The following TLN2 variants were observed in gnomAD, a reference collection of about 807,000 sequenced individuals.
TLN2 encodes the protein talin-2.
Under a neutral mutation model 294.7 loss-of-function variants are expected in TLN2, and 118 were observed. That is an observed-to-expected ratio of 0.40 (90% CI 0.34 to 0.47). TLN2 has a LOEUF of 0.47. Ranked by LOEUF, TLN2 falls within the 20% of genes least tolerant of loss-of-function variation. The pLI is 0.84. For missense variants in TLN2, 3,083 were observed against 3,282.2 expected (o/e 0.94, Z 1.48); for synonymous variants, 1,431 against 1,304.5 (o/e 1.10, Z -2.09).
rs772448730 is a variant in TLN2, at chr15:62,662,822, G to GT, written c.788+4942dup. 3.5e-3 allele frequency among the ~76,000 whole-genome samples: 376 copies of GT among 108,218 alleles called. 20 individuals carry two copies. The highest frequency in any genetic ancestry group is 0.012 in the African/African-American group (352 of 29,230). The allele number at this position is 108,218 out of a possible 152,430, so 71.0% of individuals were successfully genotyped here. ...TTGGTGTATTTTAGGGATTGAGAGAGTTTTTTTTTTTTTTTTTTGGAGACA... is the reference window on the plus strand; with the variant it reads ...TTGGTGTATTTTAGGGATTGAGAGAGTTTTTTTTTTTTTTTTTTTGGAGACA... On this transcript the variant is annotated intron_variant, in intron 9 of 58. Coordinates refer to ENST00000636159, the MANE Select transcript of TLN2 (RefSeq NM_015059.3).
At chr15:62,563,261 TG>T (rs2043129607) in intron 1 of TLN2, among the ~76,000 whole-genome samples, 1 of 152,174 alleles carries the variant, frequency 6.6e-6, no homozygotes, top group Non-Finnish European at 1.5e-5. Flanking sequence ...ACATCTATTA[TG>T]TTTTTTATTT....
chr15:62,629,606 C>A (rs530862394), intron 3 of TLN2, among the ~76,000 whole-genome samples: 1 of 152,240 alleles, frequency 6.6e-6, no homozygotes, highest in East Asian at 1.9e-4. Context: ...CAAGGTAGGG[C>A]CGTATAAGGC....
chr15:62,541,918 G>A (rs895214000), intron 1 of TLN2, among the ~76,000 whole-genome samples: 6 of 151,462 alleles, frequency 4.0e-5, no homozygotes, highest in African/African-American at 1.5e-4. Flanking sequence ...TACTCCAGCT[G>A]CTTTGCTATA....
At chr15:62,428,901 A>G (rs904449507) in intron 1 of TLN2, among the ~76,000 whole-genome samples, 3 of 152,174 alleles carry the variant, frequency 2.0e-5, no homozygotes, top group Admixed American at 6.5e-5. Flanking sequence ...CTGATCTTCA[A>G]GAATCACCTG....
intron 1 of TLN2, among the ~76,000 whole-genome samples, chr15:62,519,504 A>G (rs913600680): frequency 3.3e-5 from 5 of 152,222 alleles, no homozygotes; most frequent in Non-Finnish European, 5.9e-5. Flanking sequence ...ATATTAAATA[A>G]GCTTAACCTT....
intron 3 of TLN2, among the ~76,000 whole-genome samples, chr15:62,630,792 G>A (rs2049730874): frequency 6.6e-6 from 1 of 151,992 alleles, no homozygotes; most frequent in Non-Finnish European, 1.5e-5. Context: ...TTTCAGGGGT[G>A]ATGGAGTAAT....
At chr15:62,744,928 C>G (rs563150369) in intron 32 of TLN2, among the ~76,000 whole-genome samples, 1 of 152,312 alleles carries the variant, frequency 6.6e-6, no homozygotes, top group East Asian at 1.9e-4. Context: ...CTCTTTCCTC[C>G]TTTCCCAGGC....
chr15:62,513,177 C>A (rs1202302213), intron 1 of TLN2, among the ~76,000 whole-genome samples: 1 of 152,180 alleles, frequency 6.6e-6, no homozygotes, highest in Non-Finnish European at 1.5e-5. Context: ...CAATGATGAC[C>A]TAGATCCTCC....
chr15:62,476,657 C>G (rs1331893322), intron 1 of TLN2, among the ~76,000 whole-genome samples: 1 of 152,220 alleles, frequency 6.6e-6, no homozygotes, highest in African/African-American at 2.4e-5. Context: ...AGAGCCAAAC[C>G]TACGAGTCCT....
intron 1 of TLN2, among the ~76,000 whole-genome samples, chr15:62,471,235 A>T (rs1463634198): frequency 6.6e-6 from 1 of 152,040 alleles, no homozygotes; most frequent in Non-Finnish European, 1.5e-5. Context: ...TACTCGGGGG[A>T]CTGAGAGGTG....
chr15:62,504,156 T>C (rs960416024), intron 1 of TLN2, among the ~76,000 whole-genome samples: 2 of 152,218 alleles, frequency 1.3e-5, no homozygotes, highest in African/African-American at 4.8e-5. Flanking sequence ...TTGTTGTTCT[T>C]GTTGAACTCT....
chr15:62,757,818 C>G (rs140627182), intron 37 of TLN2, among the ~76,000 whole-genome samples: 1 of 152,118 alleles, frequency 6.6e-6, no homozygotes, highest in African/African-American at 2.4e-5. Context: ...GCTGCCCCTC[C>G]GCGTGTGGAA....
At chr15:62,528,124 C>T (rs916120003) in intron 1 of TLN2, among the ~76,000 whole-genome samples, 17 of 151,950 alleles carry the variant, frequency 1.1e-4, no homozygotes, top group South Asian at 1.0e-3. Flanking sequence ...GTTTACATTC[C>T]ATTAAATTTT....
At chr15:62,618,686 T>C (rs1269028906) in intron 3 of TLN2, among the ~76,000 whole-genome samples, 3 of 152,192 alleles carry the variant, frequency 2.0e-5, no homozygotes, top group Admixed American at 6.5e-5. Context: ...AAAAATGCTT[T>C]TTGTTACTAT....
chr15:62,605,534 C>G (rs2047359796), intron 2 of TLN2, among the ~76,000 whole-genome samples: 1 of 152,142 alleles, frequency 6.6e-6, no homozygotes, highest in Admixed American at 6.5e-5. Flanking sequence ...CTCCCTATCC[C>G]CAGCACCATC....
chr15:62,694,295 C>G (rs1350270301), intron 13 of TLN2, 21 bp from the exon 14 acceptor site: 118 of 1,613,294 alleles, frequency 7.3e-5, no homozygotes, highest in Non-Finnish European at 9.5e-5. Flanking sequence ...ATTTTTGCAT[C>G]TTGTTTTATT....
chr15:62,431,841 G>T lies in TLN2; in HGVS notation c.-238+41156G>T, dbSNP rs150849840. On this transcript the variant is annotated intron_variant, in intron 1 of 58. Transcript: ENST00000636159. The stretch of plus-strand genomic sequence containing the variant: ...TTAATTCTATGCCTCTGTGCAGCTT[G>T]GTGTAAATATTTTGTGGATTTCATC... Among the ~76,000 whole-genome samples the T allele has an allele frequency of 6.6e-5, 10 of 152,286 alleles. No homozygotes were observed. In the East Asian group the frequency reaches 1.9e-3, roughly 29 times the overall value.
chr15:62,566,275 C>T (rs1245055298), intron 1 of TLN2, among the ~76,000 whole-genome samples: 1 of 152,026 alleles, frequency 6.6e-6, no homozygotes, highest in Non-Finnish European at 1.5e-5. Context: ...CTTCTCTGTT[C>T]GTTCATTTGG....
At chr15:62,665,165 C>T (rs2054454998) in intron 9 of TLN2, among the ~76,000 whole-genome samples, 1 of 152,040 alleles carries the variant, frequency 6.6e-6, no homozygotes, top group South Asian at 2.1e-4. Context: ...CTGGTGCAAG[C>T]AGTCCCCTCA....
Sources: gnomAD v4.1 joint callset for allele counts (sites outside exome capture counted in the v4.1 genomes callset) on GRCh38, gnomAD v4.1.1 for gene constraint, MANE v1.5 for transcripts, NCBI Gene and HGNC (gene_info 2026-07-23, HGNC 2026-07-21) for gene names.